Variants in MEMO1 observed in about 807,000 individuals in gnomAD.
MEMO1 encodes the protein mediator of cell motility 1.
MEMO1 carries 6 observed loss-of-function variants against 45.2 expected under a neutral mutation model. That is an observed-to-expected ratio of 0.13 (90% CI 0.07 to 0.26). The LOEUF is 0.26. Ranked by LOEUF, MEMO1 falls within the 10% of genes least tolerant of loss-of-function variation. MEMO1 has a pLI of 1.00. For missense variants in MEMO1, 184 were observed against 370.5 expected, an observed-to-expected ratio of 0.50 and a Z score of 4.13; for synonymous variants, 78 against 124.3, an observed-to-expected ratio of 0.63 and a Z score of 2.48.
At chr2:31,950,503 G>A (rs1666720779) in intron 2 of MEMO1, among the ~76,000 whole-genome samples, 1 of 152,058 alleles carries the variant, frequency 6.6e-6, no homozygotes, top group East Asian at 1.9e-4. Context: ...CAGATCACTT[G>A]AGGTCAGGAA....
chr2:31,971,736 G>A (rs552466436), intron 2 of MEMO1, among the ~76,000 whole-genome samples: 6 of 152,164 alleles, frequency 3.9e-5, no homozygotes, highest in East Asian at 1.9e-4. Context: ...TTGGGAGGCC[G>A]AGGTGGGAGG....
At chr2:31,995,326 C>A (rs1373629599) in intron 2 of MEMO1, among the ~76,000 whole-genome samples, 3 of 152,068 alleles carry the variant, frequency 2.0e-5, no homozygotes, top group Non-Finnish European at 4.4e-5. Context: ...GTGGTGGGCA[C>A]CTGTAATCCC....
chr2:31,895,391 T>C (rs1677613440), intron 6 of MEMO1, among the ~76,000 whole-genome samples: 1 of 152,184 alleles, frequency 6.6e-6, no homozygotes, highest in African/African-American at 2.4e-5. Flanking sequence ...GTTATGATGA[T>C]ATAACTAAAT....
intron 2 of MEMO1, among the ~76,000 whole-genome samples, chr2:32,002,722 T>A (rs533775265): frequency 1.2e-4 from 18 of 152,308 alleles, no homozygotes; most frequent in African/African-American, 4.1e-4. Flanking sequence ...AATATACCTA[T>A]GAAATATACT....
chr2:31,916,865 T>C (rs1270260975), intron 6 of MEMO1, among the ~76,000 whole-genome samples: 1 of 151,750 alleles, frequency 6.6e-6, no homozygotes. Context: ...TGGAAAACAA[T>C]CCAAAAAGAC....
intron 8 of MEMO1, among the ~76,000 whole-genome samples, chr2:31,874,448 T>A (rs1348637189): frequency 5.3e-5 from 8 of 152,126 alleles, no homozygotes; most frequent in African/African-American, 2.4e-5. Flanking sequence ...ATATTTTATG[T>A]GTTTTTTCAC....
chr2:31,879,734 G>A (rs1675075247), intron 8 of MEMO1, among the ~76,000 whole-genome samples: 1 of 152,062 alleles, frequency 6.6e-6, no homozygotes, highest in Admixed American at 6.6e-5. Context: ...AAAATCCAGT[G>A]TATATTTTAC....
chr2:31,986,488 AATAAT>A (rs1172685274), intron 2 of MEMO1, among the ~76,000 whole-genome samples: 1 of 152,088 alleles, frequency 6.6e-6, no homozygotes, highest in Non-Finnish European at 1.5e-5. Context: ...AAATAATAAT[AATAAT>A]ATAACTGTTA....
intron 6 of MEMO1, among the ~76,000 whole-genome samples, chr2:31,913,957 T>A (rs1681030500): frequency 6.6e-6 from 1 of 152,144 alleles, no homozygotes. Context: ...GCTGTGCCAG[T>A]TCTAGACTTC....
At chr2:31,936,760 T>A (rs1390395479) in intron 3 of MEMO1, among the ~76,000 whole-genome samples, 4 of 152,216 alleles carry the variant, frequency 2.6e-5, no homozygotes, top group African/African-American at 9.7e-5. Context: ...GCCAAGAGTC[T>A]ACCACACATT....
chr2:31,891,429 CAA>C lies in MEMO1; in HGVS notation c.580+561_580+562del, dbSNP rs894913101. Among the ~76,000 whole-genome samples the C allele has an allele frequency of 4.6e-5, 7 of 152,182 alleles. No homozygotes were observed. The South Asian group carries it at 1.0e-3, about 23-fold the overall frequency. On this transcript the variant is annotated intron_variant, in intron 7 of 9. Transcript: ENST00000404530. ...CTCTTACAATAATCAAAAAATCACT[CAA>C]GAGTCCTTACCCTTATAAAAACATT...
At chr2:31,872,502 T>C (rs572418203) in intron 8 of MEMO1, among the ~76,000 whole-genome samples, 12 of 152,318 alleles carry the variant, frequency 7.9e-5, no homozygotes, top group Admixed American at 2.0e-4. Context: ...CACATTTATA[T>C]ACTGATATGA....
intron 2 of MEMO1, among the ~76,000 whole-genome samples, chr2:31,965,283 G>GGAAGGGAA (rs892926547): frequency 3.3e-5 from 5 of 151,574 alleles, no homozygotes; most frequent in Non-Finnish European, 4.4e-5. Context: ...GGAAGAGAAG[G>GGAAGGGAA]GAAGGGAAGA....
intron 3 of MEMO1, among the ~76,000 whole-genome samples, chr2:31,933,306 TACC>T (rs1447031704): frequency 1.2e-4 from 10 of 85,978 alleles, no homozygotes; most frequent in Non-Finnish European, 1.8e-4. Flanking sequence ...CAGAGCGAGA[TACC>T]ACCTCTTTAA....
At position 31,927,936 on chromosome 2, in the gene MEMO1, C is replaced by T. The variant is rs558633309; in HGVS notation, c.212+4131G>A. On this transcript the variant is annotated intron_variant, in intron 4 of 9. Transcript: ENST00000404530. ...TAGCTTTTAATAAGATATCTATATT[C>T]ATTATCATATGCTTAATATCTATCT... Among the ~76,000 whole-genome samples the T allele has an allele frequency of 5.9e-4, 90 of 152,248 alleles. 1 individual carries two copies. The South Asian group carries it at 0.015, about 26-fold the overall frequency.
intron 2 of MEMO1, among the ~76,000 whole-genome samples, chr2:31,962,720 T>G (rs1235179564): frequency 2.0e-5 from 3 of 152,216 alleles, no homozygotes. Flanking sequence ...CAAAGGGCAT[T>G]CATTGACTGA....
intron 3 of MEMO1, among the ~76,000 whole-genome samples, chr2:31,933,348 A>ATATATATATATATATATATAT (rs869203385): frequency 6.2e-5 from 1 of 16,186 alleles, no homozygotes; most frequent in African/African-American, 2.4e-4. Flanking sequence ...AAAAAAAAAA[A>ATATATATATATATATATATAT]ATTTATATAT....
chr2:31,928,290 C>T (rs938304600), intron 4 of MEMO1, among the ~76,000 whole-genome samples: 1 of 152,146 alleles, frequency 6.6e-6, no homozygotes, highest in Admixed American at 6.5e-5. Context: ...TGCCTGTAAT[C>T]CCAACACTTT....
intron 2 of MEMO1, among the ~76,000 whole-genome samples, chr2:31,970,664 A>G (rs1669278556): frequency 6.6e-6 from 1 of 152,068 alleles, no homozygotes; most frequent in South Asian, 2.1e-4. Flanking sequence ...TGCATACACA[A>G]AACACTTTTT....
Sources: gnomAD v4.1 joint callset for allele counts (sites outside exome capture counted in the v4.1 genomes callset) on GRCh38, gnomAD v4.1.1 for gene constraint, MANE v1.5 for transcripts, NCBI Gene and HGNC (gene_info 2026-07-23, HGNC 2026-07-21) for gene names.